MYO16: variants seen among roughly 807,000 people sequenced by gnomAD.
MYO16 encodes the protein myosin XVI, also known as unconventional myosin-XVI.
MYO16 carries 94 observed loss-of-function variants against 205.3 expected under a neutral mutation model. The observed-to-expected ratio is 0.46, with a 90% CI of 0.39 to 0.54. The LOEUF (loss-of-function observed/expected upper bound fraction) is 0.54. Ranked by LOEUF, MYO16 falls within the 20% of genes least tolerant of loss-of-function variation. The pLI, the probability that MYO16 is intolerant of heterozygous loss-of-function variation, is 0.00. For synonymous variants in MYO16, 988 were observed against 954.0 expected (o/e 1.04, Z -0.66); for missense variants, 2,315 against 2,387.5 (o/e 0.97, Z 0.63).
In MYO16 at chr13:108,672,622, T is replaced by C. The variant is rs77576405; in HGVS notation, c.292+6473T>C. Among the ~76,000 whole-genome samples the C allele has an allele frequency of 9.0e-3, 1,366 of 152,282 alleles. 63 individuals carry two copies. In the East Asian group the frequency reaches 0.14, roughly 16 times the overall value. Reference sequence around the variant, plus strand: ...GAGTTGGTGATATTTCAGTGTGTAATTTGTCATTTTAATATGCTGCATCAA... The same window carrying C: ...GAGTTGGTGATATTTCAGTGTGTAACTTGTCATTTTAATATGCTGCATCAA... On this transcript the variant is annotated intron_variant, in intron 2 of 34. Coordinates refer to ENST00000457511, the MANE Select transcript of MYO16 (RefSeq NM_001198950.3).
the MYO16 span, among the ~76,000 whole-genome samples, chr13:108,552,214 T>C: frequency 2.6e-5 from 4 of 152,160 alleles, no homozygotes; most frequent in Admixed American, 6.5e-5. Context: ...TGGACAGCCA[T>C]GGTTTTCATG....
intron 21 of MYO16, among the ~76,000 whole-genome samples, chr13:108,997,251 G>A (rs79973926): frequency 0.14 from 21,337 of 150,542 alleles, 1,624 homozygotes; most frequent in East Asian, 0.2. Context: ...ATGGGATTGC[G>A]CTACTGCACT....
intron 23 of MYO16, among the ~76,000 whole-genome samples, chr13:109,034,624 A>G (rs1321286832): frequency 1.3e-5 from 2 of 152,234 alleles, no homozygotes; most frequent in Admixed American, 6.5e-5. Flanking sequence ...CGAATACAAC[A>G]TGTAACATAT....
Position 108,878,851 on chromosome 13 carries a change from G to A in MYO16, c.1426-4208G>A, listed in dbSNP as rs190122540. Among the ~76,000 whole-genome samples the A allele has an allele frequency of 2.6e-5, 4 of 152,266 alleles. No individual in the cohort carries two copies. The East Asian group carries it at 5.8e-4, about 22-fold the overall frequency. On this transcript the variant is annotated intron_variant, in intron 12 of 34. Transcript: ENST00000457511. ...TGGCCAAACAGATGAGCCACACCCC[G>A]TCACACATCCTGCGAGCAGGATTAG...
At chr13:108,805,268 G>A (rs1306994583) in intron 6 of MYO16, among the ~76,000 whole-genome samples, 1 of 152,060 alleles carries the variant, frequency 6.6e-6, no homozygotes, top group Non-Finnish European at 1.5e-5. Flanking sequence ...AGCAAGCATG[G>A]GAAAATGTAT....
intron 32 of MYO16, among the ~76,000 whole-genome samples, chr13:109,154,434 T>C (rs1157308724): frequency 6.6e-6 from 1 of 152,216 alleles, no homozygotes; most frequent in Non-Finnish European, 1.5e-5. Context: ...TCTTTTTTTG[T>C]TATTAAGTAC....
Position 108,618,756 on chromosome 13 carries a change from C to T in MYO16, c.-39+22517C>T, listed in dbSNP as rs145484877. On this transcript the variant is annotated intron_variant, in intron 1 of 24. Transcript: ENST00000251041. ...GCTTCTGAGTTACCTTAGTTTTACACCCTTAGAAATCCTTTTCTCACTGTG... is the reference window on the plus strand; with the variant it reads ...GCTTCTGAGTTACCTTAGTTTTACATCCTTAGAAATCCTTTTCTCACTGTG... Among the ~76,000 whole-genome samples the T allele has an allele frequency of 2.4e-3, 358 of 152,198 alleles. 4 individuals are homozygous for T. The highest frequency in any genetic ancestry group is 3.7e-3 in the Non-Finnish European group (253 of 68,020).
chr13:109,097,720 G>T (rs1046312364), intron 27 of MYO16, among the ~76,000 whole-genome samples: 5 of 152,126 alleles, frequency 3.3e-5, no homozygotes, highest in African/African-American at 1.2e-4. Flanking sequence ...TGCAAATTCA[G>T]TCTCAGTTAC....
intron 23 of MYO16, among the ~76,000 whole-genome samples, chr13:109,040,314 G>A (rs553547902): frequency 6.7e-6 from 1 of 149,546 alleles, no homozygotes; most frequent in South Asian, 2.1e-4. Context: ...TAATTCATTT[G>A]ATAAAGCAAG....
chr13:109,042,518 A>C (rs1886915357), intron 23 of MYO16, among the ~76,000 whole-genome samples: 1 of 152,238 alleles, frequency 6.6e-6, no homozygotes. Flanking sequence ...CAACAACAAC[A>C]ACAACAAAAC....
At chr13:109,046,028 A>G (rs973229129) in intron 23 of MYO16, among the ~76,000 whole-genome samples, 1 of 151,370 alleles carries the variant, frequency 6.6e-6, no homozygotes, top group Non-Finnish European at 1.5e-5. Context: ...CTCATGGCGG[A>G]TCCTCGCCCT....
the MYO16 span, among the ~76,000 whole-genome samples, chr13:108,572,774 A>G: frequency 6.6e-6 from 1 of 152,186 alleles, no homozygotes; most frequent in Admixed American, 6.5e-5. Flanking sequence ...ATCTATCGGT[A>G]TATTTGAAAA....
chr13:108,500,481 G>A, the MYO16 span, among the ~76,000 whole-genome samples: 1 of 151,888 alleles, frequency 6.6e-6, no homozygotes, highest in Non-Finnish European at 1.5e-5. Flanking sequence ...ACTCGCCTCG[G>A]CCTCCCAAAG....
At chr13:108,910,302 A>G in intron 16 of MYO16, 152 bp downstream of exon 16, 1 of 815,606 alleles carries the variant, frequency 1.2e-6, no homozygotes, top group Admixed American at 2.5e-5. Context: ...TCCACATAAC[A>G]AGGTTCCCAC....
At chr13:109,146,562 C>T (rs578102437) in intron 32 of MYO16, among the ~76,000 whole-genome samples, 4 of 152,092 alleles carry the variant, frequency 2.6e-5, no homozygotes, top group Admixed American at 6.6e-5. Context: ...GTGGAAGGAT[C>T]GCTTGAGCCC....
At chr13:108,737,910 T>C (rs1482310853) in intron 4 of MYO16, among the ~76,000 whole-genome samples, 2 of 152,238 alleles carry the variant, frequency 1.3e-5, no homozygotes, top group Non-Finnish European at 2.9e-5. Context: ...CTAGATTTTC[T>C]AGTTTATTTG....
chr13:109,000,853 A>C (rs986888645), intron 21 of MYO16, among the ~76,000 whole-genome samples: 2 of 152,116 alleles, frequency 1.3e-5, no homozygotes, highest in Non-Finnish European at 2.9e-5. Context: ...AAATTTAGCC[A>C]GTTAGTTTGT....
At chr13:108,659,764 A>G (rs1054988149) in intron 1 of MYO16, among the ~76,000 whole-genome samples, 6 of 152,210 alleles carry the variant, frequency 3.9e-5, no homozygotes, top group Non-Finnish European at 7.3e-5. Flanking sequence ...ATTCAACAAC[A>G]ACAGCAAAAC....
At chr13:108,875,594 C>T (rs917487259) in intron 12 of MYO16, among the ~76,000 whole-genome samples, 3 of 152,122 alleles carry the variant, frequency 2.0e-5, no homozygotes, top group Non-Finnish European at 4.4e-5. Context: ...CAGGAAATAA[C>T]TTTCTTTAGA....
Sources: gnomAD v4.1 joint callset for allele counts (sites outside exome capture counted in the v4.1 genomes callset) on GRCh38, gnomAD v4.1.1 for gene constraint, MANE v1.5 for transcripts, NCBI Gene and HGNC (gene_info 2026-07-23, HGNC 2026-07-21) for gene names.